SSH2: variants seen among roughly 807,000 people sequenced by gnomAD.
SSH2 encodes the protein protein phosphatase Slingshot homolog 2.
Under a neutral mutation model 135.2 loss-of-function variants are expected in SSH2, and 37 were observed. That is an observed-to-expected ratio of 0.27 (90% CI 0.21 to 0.36). SSH2 has a LOEUF of 0.36. Ranked by LOEUF, SSH2 falls within the 10% of genes least tolerant of loss-of-function variation. The probability of loss-of-function intolerance (pLI) is 1.00; values close to 1 mark genes in which losing one functional copy is unlikely to be tolerated. For synonymous variants in SSH2, 628 were observed against 646.2 expected (o/e 0.97, Z 0.43); for missense variants, 1,408 against 1,765.3 (o/e 0.80, Z 3.63).
At chr17:29,913,232 C>T (rs2066797065) in intron 1 of SSH2, among the ~76,000 whole-genome samples, 1 of 141,916 alleles carries the variant, frequency 7.0e-6, no homozygotes, top group Non-Finnish European at 1.5e-5. Flanking sequence ...GCACGACAAT[C>T]GCTTGAACCT....
At chr17:29,841,983 C>T (rs1487057793) in intron 2 of SSH2, among the ~76,000 whole-genome samples, 1 of 150,518 alleles carries the variant, frequency 6.6e-6, no homozygotes, top group Non-Finnish European at 1.5e-5. Flanking sequence ...ATCCTCCCGC[C>T]TCAGCCTCCC....
chr17:29,731,431 TTA>T (rs2151187673), intron 3 of SSH2, among the ~76,000 whole-genome samples: 1 of 84,508 alleles, frequency 1.2e-5, no homozygotes, highest in African/African-American at 4.4e-5. Flanking sequence ...ATTTATTTAT[TTA>T]TTTATTTATT....
intron 3 of SSH2, among the ~76,000 whole-genome samples, chr17:29,705,094 T>C (rs1229666814): frequency 6.6e-6 from 1 of 152,216 alleles, no homozygotes; most frequent in Non-Finnish European, 1.5e-5. Flanking sequence ...CCCAGTTGTT[T>C]AGGCAAAACA....
chr17:29,636,250 G>A lies in SSH2; in HGVS notation c.1980C>T (p.Ser660=). The change falls in exon 15 of 16, where the codon AGC becomes AGT. Residue 660 remains serine (S), a synonymous_variant. Coordinates refer to ENST00000540801, the MANE Select transcript of SSH2 (RefSeq NM_001282129.2). ...TTTCAGTCTGGCAACTGGGTTGGGG[G>A]CTTGGTGACTCAGGATCAGGGGACA... ...PPMSPDPESP[S]PQPSCQTEIS... The A allele has an allele frequency of 6.2e-7, 1 of 1,614,082 alleles. No individual in the cohort carries two copies. Among genetic ancestry groups the A allele is most frequent in the Non-Finnish European group, 8.5e-7 (1 of 1,180,032 alleles).
At chr17:29,647,129 G>T (rs2036402739) in intron 14 of SSH2, among the ~76,000 whole-genome samples, 1 of 151,816 alleles carries the variant, frequency 6.6e-6, no homozygotes, top group South Asian at 2.1e-4. Flanking sequence ...AGGCATGGTG[G>T]CGGGCACCTG....
At position 29,636,351 on chromosome 17, in the gene SSH2, C is replaced by G. The variant is rs2035913560; in HGVS notation, c.1879G>C (p.Asp627His). ...PDLTVEDLET[D>H]ALKADMNVHL... is the part of the protein sequence containing the mutation. ...ACATTCATGTCTGCTTTCAGTGCAT[C>G]TGTCTCCAAATCTTCCACTGTTAAG... is the stretch of plus-strand genomic sequence containing the variant. The change falls in exon 15 of 16, where the codon GAT (aspartate) becomes CAT (histidine). Residue 627 changes from aspartate (D) to histidine (H), a missense_variant. By Grantham distance (81) the Asp-to-His change is moderately conservative. Coordinates refer to ENST00000540801, the MANE Select transcript of SSH2 (RefSeq NM_001282129.2). 1.9e-6 allele frequency: 3 copies of G among 1,614,088 alleles called. No homozygotes were observed. Among genetic ancestry groups the G allele is most frequent in the Non-Finnish European group, 2.5e-6 (3 of 1,180,058 alleles).
intron 3 of SSH2, among the ~76,000 whole-genome samples, chr17:29,770,140 C>G (rs1485397749): frequency 7.5e-6 from 1 of 133,470 alleles, no homozygotes; most frequent in Non-Finnish European, 1.5e-5. Context: ...CACTCCATTA[C>G]CCAGGCTGGA....
chr17:29,909,051 T>C (rs1268411804), intron 1 of SSH2, among the ~76,000 whole-genome samples: 1 of 152,048 alleles, frequency 6.6e-6, no homozygotes, highest in African/African-American at 2.4e-5. Context: ...CACTCCAGCC[T>C]GGGTGACAGA....
At chr17:29,705,538 G>C (rs2039164358) in intron 3 of SSH2, among the ~76,000 whole-genome samples, 1 of 152,078 alleles carries the variant, frequency 6.6e-6, no homozygotes, top group Admixed American at 6.6e-5. Flanking sequence ...ATAGCAACCA[G>C]AGTGACTTAA....
At chr17:29,745,333 T>C (rs1158009980) in intron 3 of SSH2, among the ~76,000 whole-genome samples, 2 of 152,068 alleles carry the variant, frequency 1.3e-5, no homozygotes, top group Non-Finnish European at 2.9e-5. Flanking sequence ...CTAATTTTTG[T>C]ATTTTTAGTA....
chr17:29,919,561 A>G (rs7503585), intron 1 of SSH2, among the ~76,000 whole-genome samples: 1 of 152,242 alleles, frequency 6.6e-6, no homozygotes, highest in Non-Finnish European at 1.5e-5. Flanking sequence ...AAGGGAATGT[A>G]TGAGATCACC....
In SSH2 at chr17:29,672,110, G is replaced by C. The variant is rs2037519633; in HGVS notation, c.634C>G (p.His212Asp). 6.2e-7 allele frequency: 1 copy of C among 1,613,922 alleles called. No individual in the cohort carries two copies. The highest frequency in any genetic ancestry group is 8.5e-7 in the Non-Finnish European group (1 of 1,179,910). The change falls in exon 9 of 16, where the codon CAC becomes GAC. Residue 212 changes from histidine (H) to aspartate (D), a missense_variant. Physicochemically the swap from His to Asp is moderately conservative, Grantham distance 81. This residue lies in a region of SSH2 where 222 missense variants were observed against 355.6 expected (regional missense o/e 0.62). Coordinates refer to ENST00000540801, the MANE Select transcript of SSH2 (RefSeq NM_001282129.2). ...GCTCTGGCGACTTCACAAGCCTTGT[G>C]TAAGCTCTGTAGTGCAGACCTGAAA... Reference protein sequence around the residue: ...QAMWSALQSLHKACEVARAHN... With the variant: ...QAMWSALQSLDKACEVARAHN...
At chr17:29,704,481 T>TA (rs1281809103) in intron 3 of SSH2, among the ~76,000 whole-genome samples, 14 of 152,070 alleles carry the variant, frequency 9.2e-5, no homozygotes, top group Non-Finnish European at 2.1e-4. Context: ...CCAAGAGGAT[T>TA]GCTTGAGTCT....
intron 11 of SSH2, 87 bp from the exon 12 acceptor site, chr17:29,655,694 A>C (rs1338294180): frequency 2.4e-6 from 3 of 1,224,786 alleles, no homozygotes; most frequent in East Asian, 4.7e-5. Context: ...AGAACTTTCA[A>C]AAAGAAGACT....
chr17:29,820,376 A>G (rs1266293212), intron 2 of SSH2, among the ~76,000 whole-genome samples: 3 of 152,232 alleles, frequency 2.0e-5, no homozygotes, highest in African/African-American at 7.2e-5. Flanking sequence ...TCACCACAGG[A>G]ACATGGGACA....
intron 1 of SSH2, among the ~76,000 whole-genome samples, chr17:29,858,877 AAAAT>A (rs925575689): frequency 6.6e-6 from 1 of 152,122 alleles, no homozygotes; most frequent in African/African-American, 2.4e-5. Flanking sequence ...GTCTCAAAAA[AAAAT>A]AAATAAATAA....
intron 9 of SSH2, among the ~76,000 whole-genome samples, 160 bp from the exon 10 acceptor site, chr17:29,667,383 G>A (rs746839689): frequency 6.6e-6 from 1 of 152,220 alleles, no homozygotes; most frequent in Non-Finnish European, 1.5e-5. Flanking sequence ...GGTCCCCAGT[G>A]AGTACCGGTC....
intron 1 of SSH2, among the ~76,000 whole-genome samples, chr17:29,861,971 T>G (rs1456575558): frequency 6.6e-6 from 1 of 152,194 alleles, no homozygotes; most frequent in East Asian, 1.9e-4. Context: ...TACAACACTA[T>G]AGTTATATAC....
chr17:29,726,989 A>G (rs2040022581), intron 3 of SSH2, among the ~76,000 whole-genome samples: 1 of 152,256 alleles, frequency 6.6e-6, no homozygotes, highest in Admixed American at 6.5e-5. Context: ...CAAGCCAGGG[A>G]AGCTTACAGG....
Sources: gnomAD v4.1 joint callset for allele counts (sites outside exome capture counted in the v4.1 genomes callset) on GRCh38, gnomAD v4.1.1 for gene constraint, gnomAD v4.1.1 regional missense constraint, MANE v1.5 for transcripts, NCBI Gene and HGNC (gene_info 2026-07-23, HGNC 2026-07-21) for gene names.